PCDH11Y: variants seen among roughly 807,000 people sequenced by gnomAD.
The protein encoded by PCDH11Y is protocadherin-11 Y-linked.
For missense variants in PCDH11Y, 12 were observed against 224.8 expected, an observed-to-expected ratio of 0.05 and a Z score of 6.05; for synonymous variants, 9 against 83.6, an observed-to-expected ratio of 0.11 and a Z score of 4.87.
At chrY:5,634,694 G>T in intron 4 of PCDH11Y, 1 of 44,911 alleles carries the variant, frequency 2.2e-5, no homozygotes, top group Non-Finnish European at 4.8e-5. Context: ...GCCATGACAC[G>T]TTATGGACTA....
At chrY:5,671,230 T>C (rs2053549006) in intron 4 of PCDH11Y, among the ~76,000 whole-genome samples, 1 of 30,365 alleles carries the variant, frequency 3.3e-5, no homozygotes, top group Admixed American at 3.1e-4. Flanking sequence ...TTTTTTTCCC[T>C]CAGGATAGCT....
chrY:5,321,687 G>A (rs2053112785), intron 2 of PCDH11Y, among the ~76,000 whole-genome samples: 1 of 32,574 alleles, frequency 3.1e-5, no homozygotes, highest in Admixed American at 2.9e-4. Flanking sequence ...AAAAAGTCAG[G>A]GACCACGCAT....
chrY:5,078,892 G>A lies in PCDH11Y; in HGVS notation c.637-19323G>A, dbSNP rs2563819. On this transcript the variant is annotated intron_variant, in intron 1 of 1. Coordinates refer to ENST00000215473, the Ensembl canonical transcript of PCDH11Y. ...TCTTAACTTATTTCAACATTAACTCGAAAGCCCAAGTCCAAAGTCTCATGT... is the reference window on the plus strand; with the variant it reads ...TCTTAACTTATTTCAACATTAACTCAAAAGCCCAAGTCCAAAGTCTCATGT... Among the ~76,000 whole-genome samples, 3 of 32,820 alleles carry A rather than the reference G, an allele frequency of 9.1e-5. No homozygotes were observed. The East Asian group carries it at 2.4e-3, about 26-fold the overall frequency. 88.1% of individuals were successfully genotyped at this position (32,820 alleles called of 37,273 possible).
intron 3 of PCDH11Y, among the ~76,000 whole-genome samples, chrY:5,532,385 A>G (rs1602939010): frequency 1.9e-4 from 3 of 15,528 alleles, no homozygotes; most frequent in Non-Finnish European, 4.6e-4. Context: ...ATCTTTTTCC[A>G]TCTTTTAGCT....
rs1602959077 is a variant in PCDH11Y, at chrY:5,679,069, C to T, written c.3353-58203C>T. On this transcript the variant is annotated intron_variant, in intron 4 of 4. Coordinates refer to the PCDH11Y transcript ENST00000400457. ...TAAACATGAAAGGCAATGTGAGACA[C>T]GAGGAATGCAATTGCTAGGCAACTC... 1.8e-4 allele frequency among the ~76,000 whole-genome samples: 6 copies of T among 32,526 alleles called. No homozygotes were observed. The East Asian group carries it at 4.9e-3, about 26-fold the overall frequency. The allele number at this position is 32,526 out of a possible 37,273, so 87.3% of individuals were successfully genotyped here. A position where few individuals can be genotyped will look rare whatever the true frequency, so the allele number is the denominator to read the frequency against.
chrY:5,412,345 A>G, intron 2 of PCDH11Y, among the ~76,000 whole-genome samples: 1 of 33,122 alleles, frequency 3.0e-5, no homozygotes, highest in Non-Finnish European at 7.4e-5. Context: ...GACACTATGG[A>G]GTTTTATAGG....
intron 4 of PCDH11Y, among the ~76,000 whole-genome samples, chrY:5,706,271 C>G: frequency 3.1e-5 from 1 of 32,251 alleles, no homozygotes; most frequent in Non-Finnish European, 7.6e-5. Flanking sequence ...AATTTGCTAT[C>G]AGAGATTAAC....
At chrY:5,264,219 C>G (rs1602896077) in intron 2 of PCDH11Y, among the ~76,000 whole-genome samples, 1 of 33,497 alleles carries the variant, frequency 3.0e-5, no homozygotes, top group Non-Finnish European at 7.4e-5. Flanking sequence ...AAATGTTATC[C>G]AAGAGGCTAG....
At chrY:5,499,651 A>C (rs2053350315) in intron 2 of PCDH11Y, among the ~76,000 whole-genome samples, 1 of 33,204 alleles carries the variant, frequency 3.0e-5, no homozygotes. Flanking sequence ...GCATTCTGTT[A>C]TGAAAATGCC....
intron 2 of PCDH11Y, among the ~76,000 whole-genome samples, chrY:5,378,783 G>A (rs2053201803): frequency 3.1e-5 from 1 of 32,260 alleles, no homozygotes. Flanking sequence ...CAGCAGTTAC[G>A]ATAAAAACCA....
At chrY:5,390,607 A>G in intron 2 of PCDH11Y, among the ~76,000 whole-genome samples, 4 of 33,688 alleles carry the variant, frequency 1.2e-4, no homozygotes, top group African/African-American at 4.6e-4. Context: ...TCTCCAGCTA[A>G]TGAAAAATCA....
At chrY:5,680,821 C>A in intron 4 of PCDH11Y, among the ~76,000 whole-genome samples, 1 of 31,492 alleles carries the variant, frequency 3.2e-5, no homozygotes, top group Non-Finnish European at 7.7e-5. Flanking sequence ...TTAAAAAAAA[C>A]AAAGAAGTAT....
chrY:5,261,924 C>G, intron 2 of PCDH11Y, among the ~76,000 whole-genome samples: 6 of 32,599 alleles, frequency 1.8e-4, no homozygotes, highest in Non-Finnish European at 3.7e-4. Flanking sequence ...TCATCCATGT[C>G]CCTGCAAAGG....
chrY:5,622,262 C>G, intron 4 of PCDH11Y, among the ~76,000 whole-genome samples: 1 of 31,926 alleles, frequency 3.1e-5, no homozygotes, highest in Non-Finnish European at 7.6e-5. Context: ...ACAGACACTT[C>G]TCAAAAGAAG....
intron 2 of PCDH11Y, among the ~76,000 whole-genome samples, chrY:5,462,952 A>G: frequency 3.0e-5 from 1 of 33,639 alleles, no homozygotes; most frequent in Non-Finnish European, 7.4e-5. Context: ...TCAAAATTAT[A>G]AGGAACAAAT....
chrY:5,465,242 A>G, intron 2 of PCDH11Y, among the ~76,000 whole-genome samples: 1 of 33,016 alleles, frequency 3.0e-5, no homozygotes, highest in South Asian at 6.8e-4. Context: ...CTAAAATACA[A>G]TAATCCCTAA....
chrY:5,373,275 G>A (rs374765955), intron 2 of PCDH11Y, among the ~76,000 whole-genome samples: 1,937 of 18,777 alleles, frequency 0.1, no homozygotes, highest in African/African-American at 0.48. Context: ...CAACCTCTGC[G>A]TCCCAGGTTC....
chrY:5,072,925 C>T, intron 1 of PCDH11Y, among the ~76,000 whole-genome samples: 1 of 32,988 alleles, frequency 3.0e-5, no homozygotes, highest in Admixed American at 2.8e-4. Context: ...AGTAGGTGTA[C>T]GTATTTGTGC....
At chrY:5,091,035 G>T in intron 1 of PCDH11Y, among the ~76,000 whole-genome samples, 1 of 32,674 alleles carries the variant, frequency 3.1e-5, no homozygotes, top group Non-Finnish European at 7.6e-5. Context: ...CAACAATTAG[G>T]AGTGGCATTT....
Sources: gnomAD v4.1 joint callset for allele counts (sites outside exome capture counted in the v4.1 genomes callset) on GRCh38, gnomAD v4.1.1 for gene constraint, MANE v1.5 for transcripts, NCBI Gene and HGNC (gene_info 2026-07-23, HGNC 2026-07-21) for gene names.